The following SHROOM3 variants were observed in gnomAD, a reference collection of about 807,000 sequenced individuals.
SHROOM3 encodes shroom family member 3.
SHROOM3 carries 47 observed loss-of-function variants against 138.6 expected under a neutral mutation model. The observed-to-expected ratio is 0.34, with a 90% CI of 0.27 to 0.43. The LOEUF (loss-of-function observed/expected upper bound fraction) is 0.43, where lower values mean the gene tolerates loss of function less well. Among genes scored for constraint, SHROOM3 ranks in the 20% least tolerant of loss-of-function variants. The pLI is 1.00. For synonymous variants in SHROOM3, 1,062 were observed against 1,063.3 expected (o/e 1.00, Z 0.02); for missense variants, 2,491 against 2,596.5 (o/e 0.96, Z 0.88).
At chr4:76,698,683 C>T (rs1719815249) in intron 2 of SHROOM3, among the ~76,000 whole-genome samples, 1 of 152,178 alleles carries the variant, frequency 6.6e-6, no homozygotes, top group African/African-American at 2.4e-5. Flanking sequence ...GTTTTAAAGA[C>T]AGCCTTGAAG....
In SHROOM3 at chr4:76,740,067, G is replaced by C. The variant is rs778448689; in HGVS notation, c.1894G>C (p.Glu632Gln). 1.5e-5 allele frequency: 25 copies of C among 1,613,784 alleles called. No individual in the cohort carries two copies. In the East Asian group the frequency reaches 5.6e-4, roughly 36 times the overall value. ...AGAGCCCTGGGAGGGCGATTTCCAG[G>C]AAGACCACAATGCCAACCTCTGGAG... Reference protein sequence around the residue: ...LSEPWEGDFQEDHNANLWRRL... With the variant: ...LSEPWEGDFQQDHNANLWRRL... The change falls in exon 5 of 11, where the codon GAA (glutamate) becomes CAA (glutamine). Residue 632 changes from glutamate to glutamine, a missense_variant. Physicochemically the swap from Glu to Gln is conservative, Grantham distance 29. Transcript: ENST00000296043. This position sits in a 1 kb window ranked among gnomAD's most constrained non-coding sequence, Gnocchi z 4.0.
At chr4:76,625,192 TTCAGCTTCA>T (rs1487685651) in intron 2 of SHROOM3, among the ~76,000 whole-genome samples, 1 of 152,202 alleles carries the variant, frequency 6.6e-6, no homozygotes, top group African/African-American at 2.4e-5. Context: ...TGGTTACAGT[TTCAGCTTCA>T]TCAGCCCCAA....
At chr4:76,666,921 T>G (rs1029054709) in intron 2 of SHROOM3, among the ~76,000 whole-genome samples, 1 of 152,174 alleles carries the variant, frequency 6.6e-6, no homozygotes, top group African/African-American at 2.4e-5. Flanking sequence ...TGTTACAGAA[T>G]ATGACATAGG....
intron 2 of SHROOM3, among the ~76,000 whole-genome samples, chr4:76,644,568 T>G (rs548513235): frequency 3.2e-4 from 47 of 147,218 alleles, no homozygotes; most frequent in African/African-American, 6.4e-4. Context: ...ACATACGGGG[T>G]TTTTTTTTTT....
At chr4:76,676,870 G>C (rs1394702707) in intron 2 of SHROOM3, among the ~76,000 whole-genome samples, 1 of 150,004 alleles carries the variant, frequency 6.7e-6, no homozygotes, top group Non-Finnish European at 1.5e-5. Context: ...GTGAACCCGG[G>C]AGGCGGAGCT....
intron 4 of SHROOM3, among the ~76,000 whole-genome samples, chr4:76,737,956 AC>A (rs1481654266): frequency 1.3e-5 from 2 of 151,968 alleles, no homozygotes; most frequent in African/African-American, 4.8e-5. Context: ...TCTTCTCCAG[AC>A]GGGCTCTGAA....
intron 10 of SHROOM3, among the ~76,000 whole-genome samples, chr4:76,776,854 G>A (rs934852326): frequency 6.6e-6 from 1 of 152,120 alleles, no homozygotes. Flanking sequence ...GTTGAATAGG[G>A]TGACCTTTCT....
chr4:76,682,484 T>C (rs1377009034), intron 2 of SHROOM3, among the ~76,000 whole-genome samples: 3 of 152,170 alleles, frequency 2.0e-5, no homozygotes, highest in Non-Finnish European at 4.4e-5. Flanking sequence ...TGAAATAATT[T>C]CTTTAGATAC....
intron 2 of SHROOM3, among the ~76,000 whole-genome samples, chr4:76,593,364 C>G (rs1384686273): frequency 6.6e-6 from 1 of 152,158 alleles, no homozygotes. Context: ...TACCAGAGAT[C>G]ATGTAATTAA....
rs181321475 is a variant in SHROOM3 at position 76,485,621 on chromosome 4, G to A, written c.168+49401G>A. Among the ~76,000 whole-genome samples the A allele has an allele frequency of 3.8e-3, 583 of 152,192 alleles. 3 individuals are homozygous for A. The highest frequency in any genetic ancestry group is 0.013 in the African/African-American group (553 of 41,526). ...TGCATATCAGACTATTAAAGGCAGCGCCTTTACAGAATGTTGGCTGGGCTG... is the reference window on the plus strand; with the variant it reads ...TGCATATCAGACTATTAAAGGCAGCACCTTTACAGAATGTTGGCTGGGCTG... On this transcript the variant is annotated intron_variant, in intron 1 of 10. Transcript: ENST00000296043.
intron 9 of SHROOM3, among the ~76,000 whole-genome samples, chr4:76,768,805 C>A (rs928622721): frequency 2.0e-5 from 3 of 152,134 alleles, no homozygotes. Context: ...TGAGCCACTG[C>A]GCCCAGCCTG....
intron 1 of SHROOM3, among the ~76,000 whole-genome samples, chr4:76,464,906 A>G (rs1199099035): frequency 6.6e-6 from 1 of 152,022 alleles, no homozygotes. Flanking sequence ...AGTCAATTAA[A>G]CCTCTTCATA....
chr4:76,690,636 C>T lies in SHROOM3; in HGVS notation c.324-19520C>T, dbSNP rs190897522. Reference sequence around the variant, plus strand: ...TGGTCGGATATATGGCTAGATCTTTCCCCCAAAAAATTTCACCAGAAGTTG... The same window carrying T: ...TGGTCGGATATATGGCTAGATCTTTTCCCCAAAAAATTTCACCAGAAGTTG... On this transcript the variant is annotated intron_variant, in intron 2 of 10. Transcript: ENST00000296043. 1.6e-3 allele frequency among the ~76,000 whole-genome samples: 240 copies of T among 152,254 alleles called. 1 individual carries two copies. Among genetic ancestry groups the T allele is most frequent in the African/African-American group, 5.5e-3 (230 of 41,550 alleles).
At chr4:76,650,517 GTATA>G (rs1409299658) in intron 2 of SHROOM3, among the ~76,000 whole-genome samples, 26 of 143,182 alleles carry the variant, frequency 1.8e-4, no homozygotes, top group East Asian at 2.1e-4. Flanking sequence ...TTTTTTTTAA[GTATA>G]TTTATTTATT....
At chr4:76,692,490 T>C (rs67732701) in intron 2 of SHROOM3, among the ~76,000 whole-genome samples, 24,325 of 152,244 alleles carry the variant, frequency 0.16, 2,157 homozygotes, top group Non-Finnish European at 0.2. Context: ...CACCAACCTA[T>C]GACCCAACAT....
intron 2 of SHROOM3, among the ~76,000 whole-genome samples, chr4:76,672,172 T>G (rs1718902182): frequency 6.6e-6 from 1 of 152,092 alleles, no homozygotes; most frequent in African/African-American, 2.4e-5. Flanking sequence ...CTAAAAAAAA[T>G]GAACATAGCA....
intron 2 of SHROOM3, among the ~76,000 whole-genome samples, chr4:76,678,915 G>T (rs995278105): frequency 6.6e-6 from 1 of 152,198 alleles, no homozygotes; most frequent in Non-Finnish European, 1.5e-5. Context: ...GCCTGCCTCG[G>T]CCTCCCAAAG....
At chr4:76,554,605 A>C (rs989657656) in intron 1 of SHROOM3, among the ~76,000 whole-genome samples, 2 of 151,778 alleles carry the variant, frequency 1.3e-5, no homozygotes, top group Non-Finnish European at 1.5e-5. Flanking sequence ...TATTTTTAGT[A>C]GAGATGGGGT....
rs369614110 is a variant in SHROOM3 at position 76,457,206 on chromosome 4, T to G, written c.168+20986T>G. Among the ~76,000 whole-genome samples, 6 of 152,012 alleles carry G rather than the reference T, an allele frequency of 3.9e-5. No individual in the cohort carries two copies. The South Asian group carries it at 8.3e-4, about 21-fold the overall frequency. On this transcript the variant is annotated intron_variant, in intron 1 of 10. Transcript: ENST00000296043. The stretch of plus-strand genomic sequence containing the variant: ...CTCCACTGTTGGAAGTGGAGGGAGG[T>G]GGTTAGATCACAGGAATGGATTTCT...
Sources: allele counts gnomAD v4.1 joint callset (sites outside exome capture counted in the v4.1 genomes callset), GRCh38; gene constraint gnomAD v4.1.1; non-coding constraint Gnocchi (gnomAD v3.1); transcripts MANE v1.5; gene names NCBI Gene and HGNC (gene_info 2026-07-23, HGNC 2026-07-21).